The following PADI4 variants were observed in gnomAD, a reference collection of about 807,000 sequenced individuals.
The protein encoded by PADI4 is protein-arginine deiminase type-4.
In PADI4, 62 loss-of-function variants were observed where a neutral mutation model predicts 75.0. The ratio of observed to expected loss-of-function variants is 0.83; its 90% CI spans 0.67 to 1.02. The LOEUF is 1.02. Among genes scored for constraint, PADI4 ranks in the 50% least tolerant of loss-of-function variants. The probability of loss-of-function intolerance (pLI) is 0.00; values close to 1 mark genes in which losing one functional copy is unlikely to be tolerated. For missense variants in PADI4, 845 were observed against 850.5 expected, an observed-to-expected ratio of 0.99 and a Z score of 0.08; for synonymous variants, 361 against 348.1, an observed-to-expected ratio of 1.04 and a Z score of -0.41.
chr1:17,331,690 G>T (rs903360709), intron 2 of PADI4, among the ~76,000 whole-genome samples: 1 of 152,088 alleles, frequency 6.6e-6, no homozygotes, highest in Non-Finnish European at 1.5e-5. Flanking sequence ...GGCCGAGGCG[G>T]GTGGATCACC....
At position 17,356,295 on chromosome 1, in the gene PADI4, C is replaced by T. The variant is rs1182709666; in HGVS notation, c.1456-62C>T. 7.5e-7 allele frequency: 1 copy of T among 1,331,070 alleles called. No homozygotes were observed. The highest frequency in any genetic ancestry group is 1.5e-5 in the African/African-American group (1 of 68,674). The allele number at this position is 1,331,070 out of a possible 1,614,324, so 82.5% of individuals were successfully genotyped here. A position where few individuals can be genotyped will look rare whatever the true frequency, so the allele number is the denominator to read the frequency against. On this transcript the variant is annotated intron_variant, in intron 12 of 15. Transcript: ENST00000375448. The surrounding 1 kb of genome is among the most constrained non-coding windows in gnomAD (Gnocchi z 4.1). ...CACACTACTCCCACCCTCAGCAGAT[C>T]CACCCTCGTTGGGAGCTCCAGGGGC...
chr1:17,358,690 C>G, intron 13 of PADI4, 148 bp from the exon 14 acceptor site: 1 of 647,132 alleles, frequency 1.5e-6, no homozygotes, highest in Non-Finnish European at 2.8e-6. Flanking sequence ...ATTTGACTTG[C>G]AGATGCTCAC....
chr1:17,319,754 C>T (rs2074002045), intron 1 of PADI4, among the ~76,000 whole-genome samples: 1 of 152,124 alleles, frequency 6.6e-6, no homozygotes, highest in African/African-American at 2.4e-5. Context: ...AGCACGGAAG[C>T]GAGGCTCAGA....
rs61766764 is a variant in PADI4 at position 17,351,158 on chromosome 1, T to A, written c.1155+3110T>A. ...GGCTGCAGCGAGTCATGATTGCACT[T>A]CTGCACTCCAGTCTGGGTGACAGAT... is the stretch of plus-strand genomic sequence containing the variant. On this transcript the variant is annotated intron_variant, in intron 10 of 15. Coordinates refer to ENST00000375448, the MANE Select transcript of PADI4 (RefSeq NM_012387.3). Among the ~76,000 whole-genome samples, 8 of 72,686 alleles carry A rather than the reference T, an allele frequency of 1.1e-4. 3 individuals are homozygous for A. In the East Asian group the frequency reaches 4.8e-3, roughly 44 times the overall value. 47.7% of individuals were successfully genotyped at this position (72,686 alleles called of 152,430 possible).
Position 17,355,923 on chromosome 1 carries a change from T to C in PADI4, c.1311-60T>C, listed in dbSNP as rs549602071. ...GACCTTTTTGCCAAGCCCCTTGTCC[T>C]TCAGGGACTTCCCTGTAGCCCTTGC... On this transcript the variant is annotated intron_variant, in intron 11 of 15. Transcript: ENST00000375448. The C allele has an allele frequency of 1.7e-4, 265 of 1,601,842 alleles. No homozygotes were observed. In the African/African-American group the frequency reaches 3.1e-3, roughly 19 times the overall value.
intron 8 of PADI4, among the ~76,000 whole-genome samples, chr1:17,343,015 G>A (rs944242673): frequency 3.3e-5 from 5 of 151,592 alleles, no homozygotes; most frequent in Non-Finnish European, 5.9e-5. Context: ...GTGAAACCCC[G>A]TCTCTACTAA....
At chr1:17,339,523 T>C (rs535638477) in intron 5 of PADI4, among the ~76,000 whole-genome samples, 165 bp from the exon 6 acceptor site, 3 of 152,142 alleles carry the variant, frequency 2.0e-5, no homozygotes, top group Admixed American at 6.5e-5. Flanking sequence ...AAACCATCAT[T>C]TAAATACTCA....
chr1:17,317,718 G>A (rs2073965207), intron 1 of PADI4, among the ~76,000 whole-genome samples: 3 of 152,230 alleles, frequency 2.0e-5, no homozygotes, highest in Non-Finnish European at 2.9e-5. Context: ...CATCTGGAGA[G>A]CGTGTTAAAA....
At position 17,333,946 on chromosome 1, in the gene PADI4, C is replaced by G; in HGVS notation, c.277C>G (p.Gln93Glu). ...TTAGTGATCTGCTCTCCCATAGGTT[C>G]AGATTTCATACTACGGACCCAAGAC... is the stretch of plus-strand genomic sequence containing the variant. ...ASGSTGDQKV[Q>E]ISYYGPKTPP... Residue 93 changes from glutamine (Q) to glutamate (E), a missense_variant, in exon 3 of 16, where the codon CAG becomes GAG. Coordinates refer to ENST00000375448, the MANE Select transcript of PADI4 (RefSeq NM_012387.3). 2 of 1,610,914 alleles carry G rather than the reference C, an allele frequency of 1.2e-6. No individual in the cohort carries two copies. The highest frequency in any genetic ancestry group is 1.7e-6 in the Non-Finnish European group (2 of 1,177,134).
chr1:17,325,405 GA>G (rs903172329), intron 1 of PADI4, among the ~76,000 whole-genome samples: 3 of 151,818 alleles, frequency 2.0e-5, no homozygotes, highest in East Asian at 1.9e-4. Flanking sequence ...TGGTTTGCTA[GA>G]AAAAAAGAAA....
chr1:17,325,791 C>T (rs2074108638), intron 1 of PADI4, among the ~76,000 whole-genome samples: 1 of 152,022 alleles, frequency 6.6e-6, no homozygotes, highest in Admixed American at 6.6e-5. Flanking sequence ...TCACTGCAAC[C>T]TCTGCCTCCC....
At chr1:17,311,374 G>C (rs2073824630) in intron 1 of PADI4, among the ~76,000 whole-genome samples, 1 of 152,070 alleles carries the variant, frequency 6.6e-6, no homozygotes. Flanking sequence ...CCTGGGCACT[G>C]CTCCCTGTGG....
chr1:17,361,904 G>C (rs1189398343), intron 15 of PADI4, among the ~76,000 whole-genome samples: 1 of 152,218 alleles, frequency 6.6e-6, no homozygotes, highest in African/African-American at 2.4e-5. Flanking sequence ...CGACGTGCAA[G>C]GCGCAGTGCT....
intron 6 of PADI4, among the ~76,000 whole-genome samples, chr1:17,340,453 T>C (rs1287477050): frequency 6.6e-6 from 1 of 151,812 alleles, no homozygotes; most frequent in Non-Finnish European, 1.5e-5. Context: ...TGAGGTGCCA[T>C]GTGAGCAGAG....
rs1483459977 is a variant in PADI4, at chr1:17,350,567, G to A, written c.1155+2519G>A. On this transcript the variant is annotated intron_variant, in intron 10 of 15. Transcript: ENST00000375448. ...GCCGCATCACCTGGCATCCATGAGCGTCCCCCACACAGCCCACTCTTGGGG... is the reference window on the plus strand; with the variant it reads ...GCCGCATCACCTGGCATCCATGAGCATCCCCCACACAGCCCACTCTTGGGG... 3.1e-5 allele frequency among the ~76,000 whole-genome samples: 4 copies of A among 130,246 alleles called. 1 individual carries two copies. The highest frequency in any genetic ancestry group is 2.9e-4 in the South Asian group (1 of 3,432). 85.4% of individuals were successfully genotyped at this position (130,246 alleles called of 152,430 possible).
intron 10 of PADI4, among the ~76,000 whole-genome samples, chr1:17,349,738 C>CAA (rs138371637): frequency 0.23 from 24,059 of 104,592 alleles, 6,800 homozygotes; most frequent in Non-Finnish European, 0.35. Context: ...GAAAAAACAA[C>CAA]AACAAAAAAC....
intron 1 of PADI4, among the ~76,000 whole-genome samples, chr1:17,319,631 A>G (rs1367111015): frequency 6.6e-6 from 1 of 152,246 alleles, no homozygotes; most frequent in Non-Finnish European, 1.5e-5. Flanking sequence ...GCAAAGAACC[A>G]TTAGTGAATC....
In PADI4 at chr1:17,331,154, G is replaced by C; in HGVS notation, c.273+5G>C. Reference sequence around the variant, plus strand: ...GGTAGCACAGGCGACCAGAAGGTGAGTGTCATAGCTGTGGGGTGGCAGTGT... The same window carrying C: ...GGTAGCACAGGCGACCAGAAGGTGACTGTCATAGCTGTGGGGTGGCAGTGT... On this transcript the variant is annotated splice_donor_5th_base_variant and intron_variant, in intron 2 of 15. Coordinates refer to ENST00000375448, the MANE Select transcript of PADI4 (RefSeq NM_012387.3). The C allele has an allele frequency of 1.9e-6, 3 of 1,608,054 alleles. No homozygotes were observed. Among genetic ancestry groups the C allele is most frequent in the African/African-American group, 1.3e-5 (1 of 74,742 alleles).
chr1:17,334,837 T>C (rs2074281417), intron 3 of PADI4: 2 of 344,514 alleles, frequency 5.8e-6, no homozygotes, highest in Non-Finnish European at 1.1e-5. Context: ...AGTATCATTA[T>C]GTGTATTAAA....
Sources: gnomAD v4.1 joint callset for allele counts (sites outside exome capture counted in the v4.1 genomes callset) on GRCh38, gnomAD v4.1.1 for gene constraint, Gnocchi (gnomAD v3.1) non-coding constraint, MANE v1.5 for transcripts, NCBI Gene and HGNC (gene_info 2026-07-23, HGNC 2026-07-21) for gene names.